POLN: variants seen among roughly 807,000 people sequenced by gnomAD.
The protein encoded by POLN is DNA polymerase N.
Under a neutral mutation model 113.5 loss-of-function variants are expected in POLN, and 108 were observed. The observed-to-expected ratio is 0.95, with a 90% CI of 0.81 to 1.12. The LOEUF (loss-of-function observed/expected upper bound fraction) is 1.12. Among genes scored for constraint, POLN ranks in the 50% most tolerant of loss-of-function variants. POLN has a pLI of 0.00. For missense variants in POLN, 1,097 were observed against 1,077.1 expected, an observed-to-expected ratio of 1.02 and a Z score of -0.26; for synonymous variants, 386 against 391.5, an observed-to-expected ratio of 0.99 and a Z score of 0.17.
intron 3 of POLN, 105 bp from the exon 4 acceptor site, chr4:2,213,231 TATTC>T (rs559673186): frequency 2.2e-5 from 13 of 591,010 alleles, no homozygotes; most frequent in African/African-American, 3.8e-5. Flanking sequence ...CATGCTTATT[TATTC>T]ATTATTAACT....
chr4:2,191,712 TA>T (rs1733445904), intron 7 of POLN, among the ~76,000 whole-genome samples: 1 of 152,176 alleles, frequency 6.6e-6, no homozygotes. Flanking sequence ...GGTGTTGTCT[TA>T]AAAACAGAAT....
intron 13 of POLN, among the ~76,000 whole-genome samples, chr4:2,163,335 A>G (rs560266363): frequency 6.6e-6 from 1 of 152,232 alleles, no homozygotes; most frequent in African/African-American, 2.4e-5. Context: ...AACTCTCCTT[A>G]TCTTGATGAC....
chr4:2,151,947 A>C (rs920279435), intron 16 of POLN, among the ~76,000 whole-genome samples: 3 of 152,068 alleles, frequency 2.0e-5, no homozygotes, highest in Non-Finnish European at 4.4e-5. Context: ...ACTTTCTCTT[A>C]GGAGGGGGTG....
At chr4:2,133,584 T>A (rs577202360) in intron 16 of POLN, among the ~76,000 whole-genome samples, 1 of 152,242 alleles carries the variant, frequency 6.6e-6, no homozygotes, top group Non-Finnish European at 1.5e-5. Flanking sequence ...AAATACTGCA[T>A]GTTTAATTCC....
At chr4:2,176,472 G>T in intron 8 of POLN, 138 bp from the exon 9 acceptor site, 3 of 627,480 alleles carry the variant, frequency 4.8e-6, no homozygotes, top group Non-Finnish European at 7.9e-6. Context: ...TCATGTACGT[G>T]GTAGTATCAC....
Position 2,159,204 on chromosome 4 carries a change from G to A in POLN, c.1562C>T (p.Ala521Val), listed in dbSNP as rs776052247. Residue 521 changes from alanine (A) to valine (V), a missense_variant, in exon 14 of 26, where the codon GCT (alanine) becomes GTT (valine). Coordinates refer to ENST00000511885, the MANE Select transcript of POLN (RefSeq NM_181808.4). ...YPSTSEAVLN[A>V]LRDLHPLPKI... ...GGGTAATGGATGAAGGTCTCGCAGA[G>A]CATTTAACTAAACATGAAAATAGAT... 6.2e-7 allele frequency: 1 copy of A among 1,605,030 alleles called. No homozygotes were observed. Among genetic ancestry groups the A allele is most frequent in the Non-Finnish European group, 8.5e-7 (1 of 1,173,598 alleles).
chr4:2,076,226 G>C (rs970463855), intron 23 of POLN: 1 of 153,624 alleles, frequency 6.5e-6, no homozygotes, highest in African/African-American at 2.4e-5. Flanking sequence ...GCAAGCACAA[G>C]GCGGACGGGT....
At chr4:2,190,023 CAAAAAA>C (rs58730240) in intron 7 of POLN, among the ~76,000 whole-genome samples, 221 of 86,160 alleles carry the variant, frequency 2.6e-3, no homozygotes, top group Middle Eastern at 0.013. Flanking sequence ...GACTCCATCT[CAAAAAA>C]AAAAAAAAAA....
intron 2 of POLN, among the ~76,000 whole-genome samples, chr4:2,233,182 C>T (rs1182365864): frequency 2.6e-5 from 4 of 152,114 alleles, no homozygotes; most frequent in Non-Finnish European, 5.9e-5. Flanking sequence ...TTAGTGATAT[C>T]CTCTAAGACA....
chr4:2,168,994 T>A (rs774666587), intron 13 of POLN, among the ~76,000 whole-genome samples: 1 of 152,218 alleles, frequency 6.6e-6, no homozygotes, highest in Non-Finnish European at 1.5e-5. Flanking sequence ...CAGCTGTGAC[T>A]TGGGGCCTTA....
intron 17 of POLN, 116 bp from the exon 18 acceptor site, chr4:2,129,372 T>G (rs932580293): frequency 4.5e-6 from 3 of 666,298 alleles, no homozygotes; most frequent in Non-Finnish European, 7.6e-6. Context: ...GATTTTAAAT[T>G]TTTCCGAATA....
At chr4:2,206,632 C>A (rs536417003) in intron 5 of POLN, among the ~76,000 whole-genome samples, 4 of 152,022 alleles carry the variant, frequency 2.6e-5, no homozygotes, top group Admixed American at 6.6e-5. Context: ...AACTGGCCAA[C>A]GAATATATGA....
At chr4:2,096,128 G>A (rs375646156) in intron 19 of POLN, among the ~76,000 whole-genome samples, 195 bp from the exon 20 acceptor site, 18 of 152,296 alleles carry the variant, frequency 1.2e-4, no homozygotes, top group East Asian at 1.2e-3. Flanking sequence ...AGATGCCTTC[G>A]GCGAGGCTGC....
At chr4:2,124,098 G>T (rs1245464263) in intron 19 of POLN, among the ~76,000 whole-genome samples, 3 of 152,100 alleles carry the variant, frequency 2.0e-5, no homozygotes, top group East Asian at 3.9e-4. Context: ...GATACAAAAG[G>T]TTCCATGTTG....
rs112645002 is a variant in POLN at position 2,200,694 on chromosome 4, T to G, written c.715-1977A>C. ...GGACTACATCAAGGGAACACCCCATTGGATAAAAGAATCTGAACAACAGCC... is the reference window on the plus strand; with the variant it reads ...GGACTACATCAAGGGAACACCCCATGGGATAAAAGAATCTGAACAACAGCC... On this transcript the variant is annotated intron_variant, in intron 5 of 25. Coordinates refer to ENST00000511885, the MANE Select transcript of POLN (RefSeq NM_181808.4). Among the ~76,000 whole-genome samples the G allele has an allele frequency of 2.4e-3, 364 of 152,218 alleles. 1 individual carries two copies. The highest frequency in any genetic ancestry group is 8.4e-3 in the African/African-American group (347 of 41,530).
In POLN at chr4:2,218,304, G is replaced by T. The variant is rs769091270; in HGVS notation, c.134-5178C>A. Among the ~76,000 whole-genome samples, 304 of 150,516 alleles carry T rather than the reference G, an allele frequency of 2.0e-3. 2 individuals carry two copies. Among genetic ancestry groups the T allele is most frequent in the Non-Finnish European group, 3.6e-3 (243 of 67,870 alleles). ...AAAAAAAAAAAAAAAAATTAGCCAGGCATGGTGGCGCATCCCTGTGATCCC... is the reference window on the plus strand; with the variant it reads ...AAAAAAAAAAAAAAAAATTAGCCAGTCATGGTGGCGCATCCCTGTGATCCC... On this transcript the variant is annotated intron_variant, in intron 3 of 25. Coordinates refer to ENST00000511885, the MANE Select transcript of POLN (RefSeq NM_181808.4).
intron 25 of POLN, among the ~76,000 whole-genome samples, chr4:2,072,577 C>T (rs530273289): frequency 1.3e-5 from 2 of 152,344 alleles, no homozygotes; most frequent in South Asian, 2.1e-4. Context: ...AGGCTGCGGC[C>T]GGCAGACAAG....
At chr4:2,092,299 A>C (rs1428303706) in intron 20 of POLN, among the ~76,000 whole-genome samples, 3 of 152,232 alleles carry the variant, frequency 2.0e-5, no homozygotes, top group Admixed American at 6.5e-5. Flanking sequence ...AGAAGACCCA[A>C]GGATTTGACT....
At chr4:2,080,630 G>C (rs986554533) in intron 23 of POLN, 5 of 1,256,164 alleles carry the variant, frequency 4.0e-6, no homozygotes, top group African/African-American at 1.5e-5. Flanking sequence ...TCCTGCTCAA[G>C]GGGCTGAGGG....
Sources: allele counts gnomAD v4.1 joint callset (sites outside exome capture counted in the v4.1 genomes callset), GRCh38; gene constraint gnomAD v4.1.1; transcripts MANE v1.5; gene names NCBI Gene and HGNC (gene_info 2026-07-23, HGNC 2026-07-21).